The following FBXL13 variants were observed in gnomAD, a reference collection of about 807,000 sequenced individuals.
The protein encoded by FBXL13 is F-box and leucine rich repeat protein 13.
In FBXL13, 67 loss-of-function variants were observed where a neutral mutation model predicts 83.6. The observed-to-expected ratio is 0.80, with a 90% CI of 0.66 to 0.98. The LOEUF (loss-of-function observed/expected upper bound fraction) is 0.98, where lower values mean the gene tolerates loss of function less well. Among genes scored for constraint, FBXL13 ranks in the 50% least tolerant of loss-of-function variants. The pLI is 0.00. For synonymous variants in FBXL13, 272 were observed against 299.5 expected, an observed-to-expected ratio of 0.91 and a Z score of 0.95; for missense variants, 822 against 866.5, an observed-to-expected ratio of 0.95 and a Z score of 0.64.
At chr7:102,914,092 G>A (rs903394589) in intron 10 of FBXL13, among the ~76,000 whole-genome samples, 17 of 152,074 alleles carry the variant, frequency 1.1e-4, no homozygotes, top group Non-Finnish European at 1.9e-4. Context: ...ACGAAGTTTC[G>A]CTCTTGTTGC....
intron 1 of FBXL13, among the ~76,000 whole-genome samples, chr7:103,062,400 T>C (rs1441247716): frequency 6.6e-6 from 1 of 152,166 alleles, no homozygotes. Context: ...TGAGTTCCTA[T>C]CTTAATAATC....
At chr7:102,852,281 C>A (rs1584628421) in intron 17 of FBXL13, among the ~76,000 whole-genome samples, 1 of 152,136 alleles carries the variant, frequency 6.6e-6, no homozygotes, top group Non-Finnish European at 1.5e-5. Context: ...TGTGTTGTTA[C>A]ATTTCCAATC....
intron 6 of FBXL13, among the ~76,000 whole-genome samples, chr7:103,011,748 G>C (rs909475721): frequency 2.6e-5 from 4 of 151,976 alleles, no homozygotes; most frequent in African/African-American, 9.7e-5. Context: ...AAGAATCTCA[G>C]TGGTTGAAAA....
At chr7:102,909,358 G>A (rs560809954) in intron 11 of FBXL13, among the ~76,000 whole-genome samples, 22 of 151,980 alleles carry the variant, frequency 1.4e-4, no homozygotes, top group Non-Finnish European at 2.2e-4. Context: ...TCCTGGAATC[G>A]CGGACCCCAA....
At position 102,883,578 on chromosome 7, in the gene FBXL13, G is replaced by T. The variant is rs1163146833; in HGVS notation, c.1215C>A (p.Ile405=). Residue 405 remains isoleucine, a synonymous_variant, in exon 13 of 20, where the codon ATC becomes ATA. Coordinates refer to ENST00000313221, the Ensembl canonical transcript of FBXL13. ...TTTAATATAACAGACCTTCAAATCG[G>T]ATCTTTCTGAGTTTACAAGCAGAAA... is the stretch of plus-strand genomic sequence containing the variant. 1.9e-6 allele frequency: 3 copies of T among 1,607,426 alleles called. No individual in the cohort carries two copies. In the African/African-American group the frequency reaches 4.0e-5, roughly 22 times the overall value.
intron 2 of FBXL13, among the ~76,000 whole-genome samples, chr7:103,053,493 T>C (rs1477548624): frequency 6.6e-6 from 1 of 152,232 alleles, no homozygotes; most frequent in East Asian, 1.9e-4. Context: ...TACGGGCTTC[T>C]AGCTGGACAC....
intron 8 of FBXL13, among the ~76,000 whole-genome samples, chr7:102,961,645 C>T (rs1362954530): frequency 2.0e-5 from 3 of 151,574 alleles, no homozygotes; most frequent in East Asian, 1.9e-4. Context: ...GAGATATAGA[C>T]CAATGGAACA....
chr7:102,891,500 C>T (rs1360362918), intron 11 of FBXL13, among the ~76,000 whole-genome samples: 1 of 152,222 alleles, frequency 6.6e-6, no homozygotes, highest in Non-Finnish European at 1.5e-5. Flanking sequence ...GTTTACAGTA[C>T]AGCACAGTGC....
intron 8 of FBXL13, chr7:102,939,317 T>C (rs1820933667): frequency 1.2e-6 from 1 of 841,490 alleles, no homozygotes; most frequent in Admixed American, 2.7e-5. Flanking sequence ...GCTTTAGATA[T>C]CCCTTTACCC....
intron 10 of FBXL13, among the ~76,000 whole-genome samples, chr7:102,921,249 A>C (rs1002791658): frequency 1.8e-4 from 28 of 152,276 alleles, no homozygotes; most frequent in African/African-American, 6.5e-4. Context: ...CATGATGCTT[A>C]CTAACCTTTG....
chr7:102,996,400 C>T (rs1789794233), intron 6 of FBXL13, among the ~76,000 whole-genome samples: 3 of 152,182 alleles, frequency 2.0e-5, no homozygotes, highest in Admixed American at 2.0e-4. Flanking sequence ...ACTTATTAAA[C>T]ACTTGCTTAC....
Position 102,922,050 on chromosome 7 carries a change from T to C in FBXL13, c.878+4224A>G, listed in dbSNP as rs149129490. 4.9e-3 allele frequency among the ~76,000 whole-genome samples: 738 copies of C among 151,792 alleles called. 6 individuals are homozygous for C. The highest frequency in any genetic ancestry group is 0.017 in the African/African-American group (698 of 41,356). On this transcript the variant is annotated intron_variant, in intron 10 of 19. Coordinates refer to ENST00000313221, the Ensembl canonical transcript of FBXL13. ...TATTAAAATTCAAAAATCAGCAGAG[T>C]GTGGTGGCAGACACCTGTAATCCTA...
chr7:102,842,231 G>A (rs904124612), intron 17 of FBXL13, among the ~76,000 whole-genome samples: 3 of 152,200 alleles, frequency 2.0e-5, no homozygotes, highest in African/African-American at 7.2e-5. Flanking sequence ...GGAGTCCTCC[G>A]TTGCTTCTGT....
intron 17 of FBXL13, among the ~76,000 whole-genome samples, chr7:102,836,156 ATTC>A (rs1801942015): frequency 6.6e-6 from 1 of 152,150 alleles, no homozygotes; most frequent in Non-Finnish European, 1.5e-5. Context: ...AAGCTCTAAT[ATTC>A]TTTAAAGACA....
At chr7:103,001,130 G>T (rs534738841) in intron 6 of FBXL13, among the ~76,000 whole-genome samples, 32 of 149,028 alleles carry the variant, frequency 2.1e-4, no homozygotes, top group East Asian at 1.2e-3. Flanking sequence ...ATTTTTTTTT[G>T]ATTTTTTTTT....
intron 11 of FBXL13, among the ~76,000 whole-genome samples, chr7:102,908,226 T>C (rs1347971318): frequency 6.6e-6 from 1 of 152,218 alleles, no homozygotes; most frequent in Non-Finnish European, 1.5e-5. Context: ...AATATACCAA[T>C]TGCATTTTTC....
At chr7:103,047,499 T>C (rs1251812062) in intron 2 of FBXL13, among the ~76,000 whole-genome samples, 3 of 152,234 alleles carry the variant, frequency 2.0e-5, no homozygotes, top group Non-Finnish European at 4.4e-5. Flanking sequence ...TCAATTTCAC[T>C]ATCGGCTGGT....
At chr7:102,953,387 G>C (rs549164052) in intron 8 of FBXL13, among the ~76,000 whole-genome samples, 6 of 151,978 alleles carry the variant, frequency 3.9e-5, no homozygotes, top group African/African-American at 9.7e-5. Context: ...TGTAATATAC[G>C]CAATAATAAT....
intron 6 of FBXL13, among the ~76,000 whole-genome samples, chr7:102,986,486 C>T (rs2129484000): frequency 1.3e-5 from 2 of 152,196 alleles, no homozygotes; most frequent in Middle Eastern, 6.8e-3. Flanking sequence ...AAGCTGGGCT[C>T]AGAAATCATG....
Sources: gnomAD v4.1 joint callset for allele counts (sites outside exome capture counted in the v4.1 genomes callset) on GRCh38, gnomAD v4.1.1 for gene constraint, MANE v1.5 for transcripts, NCBI Gene and HGNC (gene_info 2026-07-23, HGNC 2026-07-21) for gene names.